The following NELL1 variants were observed in gnomAD, a reference collection of about 807,000 sequenced individuals.
NELL1 encodes the protein protein kinase C-binding protein NELL1.
NELL1 carries 76 observed loss-of-function variants against 107.4 expected under a neutral mutation model. The observed-to-expected ratio is 0.71, with a 90% CI of 0.59 to 0.86. The LOEUF is 0.86. Among genes scored for constraint, NELL1 ranks in the 40% least tolerant of loss-of-function variants. The probability of loss-of-function intolerance (pLI) is 0.00; values close to 1 mark genes in which losing one functional copy is unlikely to be tolerated. For missense variants in NELL1, 1,024 were observed against 1,005.5 expected, an observed-to-expected ratio of 1.02 and a Z score of -0.25; for synonymous variants, 353 against 341.2, an observed-to-expected ratio of 1.03 and a Z score of -0.38.
rs547935392 is a variant in NELL1, at chr11:20,759,351, GGAA to G, written c.185-24320_185-24318del. Among the ~76,000 whole-genome samples the G allele has an allele frequency of 2.9e-3, 444 of 152,256 alleles. 2 individuals are homozygous for G. Among genetic ancestry groups the G allele is most frequent in the Non-Finnish European group, 4.4e-3 (299 of 68,018 alleles). On this transcript the variant is annotated intron_variant, in intron 2 of 19. Coordinates refer to ENST00000357134, the MANE Select transcript of NELL1 (RefSeq NM_006157.5). ...CATTGAAAGGATCCATGGTCCACGT[GGAA>G]GAAGAAGATCACATTGAAATGCTGT...
At chr11:20,778,213 T>G (rs1013344225) in intron 2 of NELL1, among the ~76,000 whole-genome samples, 1 of 152,196 alleles carries the variant, frequency 6.6e-6, no homozygotes, top group African/African-American at 2.4e-5. Context: ...TGTTTTTTTG[T>G]GCACTGCCCT....
chr11:20,894,529 A>G (rs1028449039), intron 5 of NELL1, among the ~76,000 whole-genome samples: 1 of 152,236 alleles, frequency 6.6e-6, no homozygotes, highest in Non-Finnish European at 1.5e-5. Context: ...GGATGGTATC[A>G]ATATGATTAG....
intron 13 of NELL1, among the ~76,000 whole-genome samples, chr11:21,225,231 T>C (rs752507482): frequency 1.3e-5 from 2 of 152,168 alleles, no homozygotes; most frequent in Non-Finnish European, 2.9e-5. Context: ...AATGGTATTG[T>C]GCTTCAGCAT....
intron 17 of NELL1, among the ~76,000 whole-genome samples, chr11:21,567,550 A>G (rs985913393): frequency 6.6e-6 from 1 of 151,890 alleles, no homozygotes; most frequent in Non-Finnish European, 1.5e-5. Flanking sequence ...TTTGTATAGT[A>G]AAAGAGCCAA....
chr11:21,331,749 C>T (rs1392336830), intron 14 of NELL1, among the ~76,000 whole-genome samples: 1 of 152,058 alleles, frequency 6.6e-6, no homozygotes, highest in Non-Finnish European at 1.5e-5. Context: ...CAGGAGGTCT[C>T]TTTATTGCTG....
At chr11:20,959,029 A>C (rs757685626) in intron 11 of NELL1, among the ~76,000 whole-genome samples, 1 of 152,238 alleles carries the variant, frequency 6.6e-6, no homozygotes, top group South Asian at 2.1e-4. Flanking sequence ...ATGTCTTTCA[A>C]AATTGGTGCT....
At chr11:21,271,901 C>T (rs1390448458) in intron 14 of NELL1, among the ~76,000 whole-genome samples, 1 of 152,076 alleles carries the variant, frequency 6.6e-6, no homozygotes, top group East Asian at 1.9e-4. Flanking sequence ...ACAATAGATG[C>T]AGAAAAAGCA....
intron 4 of NELL1, among the ~76,000 whole-genome samples, chr11:20,868,019 G>C (rs571691457): frequency 2.6e-5 from 4 of 152,176 alleles, no homozygotes; most frequent in Non-Finnish European, 5.9e-5. Context: ...GAAAAGGACC[G>C]AATAATATTT....
intron 12 of NELL1, among the ~76,000 whole-genome samples, chr11:21,056,458 C>T (rs1046027669): frequency 3.3e-4 from 50 of 151,988 alleles, no homozygotes; most frequent in Non-Finnish European, 6.9e-4. Context: ...ATTAAGTCAC[C>T]TTCCCTTTCT....
intron 5 of NELL1, among the ~76,000 whole-genome samples, chr11:20,891,878 A>T (rs1849623258): frequency 6.6e-6 from 1 of 152,188 alleles, no homozygotes; most frequent in Non-Finnish European, 1.5e-5. Flanking sequence ...GTTCTTAGAG[A>T]CCTACAAAGA....
At chr11:20,996,703 G>A (rs1474032096) in intron 12 of NELL1, among the ~76,000 whole-genome samples, 2 of 152,102 alleles carry the variant, frequency 1.3e-5, no homozygotes, top group Non-Finnish European at 2.9e-5. Flanking sequence ...TTTTCTGTGG[G>A]CATGGGAGTC....
chr11:21,306,438 C>T (rs1328040908), intron 14 of NELL1, among the ~76,000 whole-genome samples: 2 of 152,024 alleles, frequency 1.3e-5, no homozygotes, highest in Admixed American at 1.3e-4. Context: ...CACCTCTTTT[C>T]TGATTCTTAC....
chr11:20,908,480 T>C (rs149545467), intron 5 of NELL1, among the ~76,000 whole-genome samples: 7,459 of 152,086 alleles, frequency 0.049, 590 homozygotes, highest in African/African-American at 0.17. Context: ...CCACATGTTC[T>C]CACTCATAAG....
chr11:20,851,436 ACTGATT>A (rs770090057), intron 4 of NELL1, among the ~76,000 whole-genome samples: 95 of 152,200 alleles, frequency 6.2e-4, no homozygotes, highest in Admixed American at 2.4e-3. Context: ...GGGTGGGGAG[ACTGATT>A]ATCTCCATTG....
chr11:21,191,099 C>T (rs1293941297), intron 13 of NELL1, among the ~76,000 whole-genome samples: 1 of 151,718 alleles, frequency 6.6e-6, no homozygotes, highest in African/African-American at 2.4e-5. Flanking sequence ...CAAAATAATT[C>T]CTCCTTTCCA....
chr11:21,401,277 A>G (rs1021186488), intron 15 of NELL1, among the ~76,000 whole-genome samples: 7 of 151,886 alleles, frequency 4.6e-5, no homozygotes, highest in African/African-American at 1.4e-4. Context: ...TCTTGGTGAT[A>G]TAAGTCTCCT....
chr11:21,063,913 G>A (rs1241605457), intron 12 of NELL1, among the ~76,000 whole-genome samples: 1 of 152,222 alleles, frequency 6.6e-6, no homozygotes. Context: ...GATTGTCAGT[G>A]TTGGTGTGGT....
chr11:20,796,074 T>G (rs2133996230), intron 3 of NELL1, among the ~76,000 whole-genome samples: 1 of 152,286 alleles, frequency 6.6e-6, no homozygotes, highest in East Asian at 1.9e-4. Context: ...GTAAATGTCA[T>G]TTTTCTTCCT....
intron 3 of NELL1, among the ~76,000 whole-genome samples, chr11:20,826,973 G>A (rs557684047): frequency 1.7e-4 from 25 of 151,438 alleles, no homozygotes; most frequent in African/African-American, 5.8e-4. Flanking sequence ...AGACCTGAGT[G>A]TCAGATCTGG....
Sources: gnomAD v4.1 joint callset for allele counts (sites outside exome capture counted in the v4.1 genomes callset) on GRCh38, gnomAD v4.1.1 for gene constraint, MANE v1.5 for transcripts, NCBI Gene and HGNC (gene_info 2026-07-23, HGNC 2026-07-21) for gene names.